The following CHL1 variants were observed in gnomAD, a reference collection of about 807,000 sequenced individuals.
CHL1 encodes cell adhesion molecule L1 like.
In CHL1, 96 loss-of-function variants were observed where a neutral mutation model predicts 141.9. The ratio of observed to expected loss-of-function variants is 0.68; its 90% confidence interval spans 0.57 to 0.80. The LOEUF is 0.80. CHL1 is among the 30% of genes least tolerant of loss of function. CHL1 has a pLI of 0.00. For synonymous variants in CHL1, 613 were observed against 502.2 expected (o/e 1.22, Z -2.95); for missense variants, 1,820 against 1,457.2 (o/e 1.25, Z -4.05).
intron 2 of CHL1, among the ~76,000 whole-genome samples, chr3:287,744 A>G (rs1697289911): frequency 6.6e-6 from 1 of 151,494 alleles, no homozygotes; most frequent in Non-Finnish European, 1.5e-5. Context: ...TAGCAGATAG[A>G]TACATTGCTC....
intron 1 of CHL1, among the ~76,000 whole-genome samples, chr3:214,979 C>CACAG (rs1700194162): frequency 6.6e-6 from 1 of 151,988 alleles, no homozygotes; most frequent in Non-Finnish European, 1.5e-5. Flanking sequence ...CACACACACA[C>CACAG]ACACGTAACT....
At chr3:268,835 A>T (rs1173832340) in intron 2 of CHL1, among the ~76,000 whole-genome samples, 1 of 152,236 alleles carries the variant, frequency 6.6e-6, no homozygotes, top group African/African-American at 2.4e-5. Context: ...TTTAAGAAAT[A>T]ATTCACTCTA....
intron 2 of CHL1, among the ~76,000 whole-genome samples, chr3:284,548 C>G (rs149938505): frequency 2.6e-5 from 4 of 152,194 alleles, no homozygotes; most frequent in Admixed American, 2.0e-4. Context: ...ATGACAATGC[C>G]GTGAAAACTG....
intron 15 of CHL1, among the ~76,000 whole-genome samples, chr3:368,954 T>C (rs1049791409): frequency 6.6e-6 from 1 of 151,938 alleles, no homozygotes; most frequent in African/African-American, 2.4e-5. Context: ...TTTGTCTATA[T>C]GTCTGTTTTC....
chr3:218,787 G>A (rs1700550219), intron 1 of CHL1, among the ~76,000 whole-genome samples: 2 of 152,116 alleles, frequency 1.3e-5, no homozygotes, highest in Non-Finnish European at 2.9e-5. Context: ...AAGAGAACAC[G>A]TTTCATGCAA....
chr3:363,648 C>A, intron 14 of CHL1: 1 of 306,742 alleles, frequency 3.3e-6, no homozygotes, highest in Non-Finnish European at 6.1e-6. Context: ...TAAAAATTAC[C>A]TATTAACCAT....
chr3:403,928 G>A (rs868812729), intron 27 of CHL1, among the ~76,000 whole-genome samples: 5 of 152,052 alleles, frequency 3.3e-5, no homozygotes, highest in African/African-American at 9.7e-5. Flanking sequence ...TTCCTCAGCC[G>A]ATGCCTCATT....
chr3:395,239 T>C (rs1708575068), intron 24 of CHL1, among the ~76,000 whole-genome samples: 1 of 152,192 alleles, frequency 6.6e-6, no homozygotes, highest in African/African-American at 2.4e-5. Flanking sequence ...AGAAAAATAT[T>C]TGGCTCTTCC....
rs773469020 is a variant in CHL1, at chr3:391,679, T to C, written c.2796T>C (p.Pro932=). The C allele has an allele frequency of 2.5e-6, 4 of 1,602,686 alleles. No homozygotes were observed. The highest frequency in any genetic ancestry group is 1.1e-5 in the South Asian group (1 of 88,262). The stretch of plus-strand genomic sequence containing the variant: ...TTTTGGTCTTGTGTTTTCTAGTACC[T>C]GAACAGCCAACTTTTCTAAAGGTCA... ...PYIFQTPEGV[P]EQPTFLKVIK... The change falls in exon 23 of 28, where the codon CCT becomes CCC. Residue 932 remains proline, a synonymous_variant. Coordinates refer to ENST00000256509, the MANE Select transcript of CHL1 (RefSeq NM_006614.4).
intron 2 of CHL1, among the ~76,000 whole-genome samples, chr3:310,042 A>G (rs934152199): frequency 1.3e-5 from 2 of 152,158 alleles, no homozygotes; most frequent in African/African-American, 4.8e-5. Flanking sequence ...CTGCCATGGT[A>G]CTGATCAATG....
At chr3:403,966 C>T (rs1360599713) in intron 27 of CHL1, among the ~76,000 whole-genome samples, 1 of 152,164 alleles carries the variant, frequency 6.6e-6, no homozygotes, top group East Asian at 1.9e-4. Context: ...CTTGTAACTG[C>T]AATATCCTAA....
At chr3:399,279 A>G (rs1199261720) in intron 26 of CHL1, 131 bp downstream of exon 26, 4 of 671,692 alleles carry the variant, frequency 6.0e-6, no homozygotes, top group African/African-American at 5.4e-5. Context: ...TGTACAATGC[A>G]CTGACAGGAA....
At chr3:328,544 T>G in intron 5 of CHL1, 190 bp downstream of exon 5, 1 of 453,930 alleles carries the variant, frequency 2.2e-6, no homozygotes, top group South Asian at 4.7e-5. Context: ...GAAAACAACA[T>G]AATTTGACTC....
At chr3:347,427 G>C (rs1702858239) in intron 9 of CHL1, among the ~76,000 whole-genome samples, 1 of 152,092 alleles carries the variant, frequency 6.6e-6, no homozygotes, top group Non-Finnish European at 1.5e-5. Context: ...GGCAAGAATA[G>C]AGCTGAAAAT....
chr3:240,724 A>G (rs1378455338), intron 1 of CHL1, among the ~76,000 whole-genome samples: 4 of 152,204 alleles, frequency 2.6e-5, no homozygotes, highest in Non-Finnish European at 5.9e-5. Context: ...TTTTATAGGT[A>G]TCGGGTCTTA....
chr3:199,132 C>T (rs1698689280), intron 1 of CHL1, among the ~76,000 whole-genome samples: 2 of 152,158 alleles, frequency 1.3e-5, no homozygotes, highest in African/African-American at 2.4e-5. Context: ...CTATGTATAC[C>T]CTGGCTTTCC....
At chr3:307,761 C>T (rs1424496471) in intron 2 of CHL1, among the ~76,000 whole-genome samples, 1 of 152,064 alleles carries the variant, frequency 6.6e-6, no homozygotes, top group Admixed American at 6.6e-5. Context: ...ACCTGAAGTA[C>T]ATGTAGTAAC....
Position 405,668 on chromosome 3 carries a change from A to G in CHL1, c.3632A>G (p.Glu1211Gly). 1.2e-6 allele frequency: 2 copies of G among 1,613,488 alleles called. No individual in the cohort carries two copies. The highest frequency in any genetic ancestry group is 1.7e-6 in the Non-Finnish European group (2 of 1,179,568). The stretch of plus-strand genomic sequence containing the variant: ...GGATCTAAGGAGAAGGGATCTGTTG[A>G]AAGCAATGGAAGTTCTACAGCAACT... ...YAGSKEKGSVESNGSSTATFP... is the reference protein window; with the variant it reads ...YAGSKEKGSVGSNGSSTATFP... Residue 1211 changes from glutamate to glycine, a missense_variant, in exon 28 of 28, where the codon GAA (glutamate) becomes GGA (glycine). Coordinates refer to ENST00000256509, the MANE Select transcript of CHL1 (RefSeq NM_006614.4).
At chr3:361,358 A>T (rs1704228740) in intron 12 of CHL1, among the ~76,000 whole-genome samples, 1 of 129,512 alleles carries the variant, frequency 7.7e-6, no homozygotes, top group Non-Finnish European at 1.7e-5. Context: ...AACAAAAGAC[A>T]AAATTGACAA....
Sources: allele counts gnomAD v4.1 joint callset (sites outside exome capture counted in the v4.1 genomes callset), GRCh38; gene constraint gnomAD v4.1.1; transcripts MANE v1.5; gene names NCBI Gene and HGNC (gene_info 2026-07-23, HGNC 2026-07-21).